CSRNP3: variants seen among roughly 807,000 people sequenced by gnomAD.
CSRNP3 encodes the protein cysteine/serine-rich nuclear protein 3.
Under a neutral mutation model 48.0 loss-of-function variants are expected in CSRNP3, and 12 were observed. The ratio of observed to expected loss-of-function variants is 0.25; its 90% CI spans 0.16 to 0.41. The LOEUF (loss-of-function observed/expected upper bound fraction) is 0.41, where lower values mean the gene tolerates loss of function less well. CSRNP3 is among the 10% of genes least tolerant of loss of function. CSRNP3 has a pLI of 1.00. For missense variants in CSRNP3, 580 were observed against 724.4 expected, an observed-to-expected ratio of 0.80 and a Z score of 2.29; for synonymous variants, 263 against 269.7, an observed-to-expected ratio of 0.98 and a Z score of 0.24.
At chr2:165,672,402 T>C (rs955851024) in intron 5 of CSRNP3, among the ~76,000 whole-genome samples, 3 of 152,158 alleles carry the variant, frequency 2.0e-5, no homozygotes, top group Non-Finnish European at 4.4e-5. Context: ...GAAAGGCACA[T>C]CTTACATGGC....
At chr2:165,596,342 T>A (rs1685811444) in intron 4 of CSRNP3, among the ~76,000 whole-genome samples, 1 of 152,186 alleles carries the variant, frequency 6.6e-6, no homozygotes, top group Admixed American at 6.5e-5. Flanking sequence ...TCATGACAGA[T>A]AACTGGTCTT....
chr2:165,522,963 ATTCT>A (rs1208251928), intron 3 of CSRNP3, among the ~76,000 whole-genome samples: 1 of 152,126 alleles, frequency 6.6e-6, no homozygotes, highest in Non-Finnish European at 1.5e-5. Context: ...TAATCCTTTC[ATTCT>A]GACTGTGGTC....
At position 165,679,263 on chromosome 2, in the gene CSRNP3, C is replaced by G; in HGVS notation, c.1268C>G (p.Ala423Gly). 8 of 1,613,876 alleles carry G rather than the reference C, an allele frequency of 5.0e-6. No homozygotes were observed. Among genetic ancestry groups the G allele is most frequent in the Non-Finnish European group, 6.8e-6 (8 of 1,179,924 alleles). Reference protein sequence around the residue: ...SDGTAVHESHAKNASFYANSS... With the variant: ...SDGTAVHESHGKNASFYANSS... ...GGCACCGCCGTTCACGAAAGCCATG[C>G]AAAGAATGCTTCTTTTTATGCCAAC... The change falls in exon 7 of 7, where the codon GCA becomes GGA. Residue 423 changes from alanine to glycine, a missense_variant. Coordinates refer to ENST00000651982, the MANE Select transcript of CSRNP3 (RefSeq NM_001172173.2).
rs2105373867 is a variant in CSRNP3, at chr2:165,688,225, G to T, written c.*8472G>T. The stretch of plus-strand genomic sequence containing the variant: ...GCTAGAAATTTACAGTACAGAAATA[G>T]TAAAAAAATAAAATAAAAATAAACC... On this transcript the variant is annotated 3_prime_UTR_variant, in exon 7 of 7. Transcript: ENST00000651982. 1 of 152,122 alleles carries T rather than the reference G, an allele frequency of 6.6e-6. No individual in the cohort carries two copies. Among genetic ancestry groups the T allele is most frequent in the African/African-American group, 2.4e-5 (1 of 41,538 alleles). The allele number at this position is 152,122 out of a possible 1,614,324, so 9.4% of individuals were successfully genotyped here. A position where few individuals can be genotyped will look rare whatever the true frequency, so the allele number is the denominator to read the frequency against.
At chr2:165,525,880 A>G (rs1250856153) in intron 3 of CSRNP3, among the ~76,000 whole-genome samples, 1 of 152,120 alleles carries the variant, frequency 6.6e-6, no homozygotes, top group East Asian at 1.9e-4. Flanking sequence ...TATGTTTTGT[A>G]TTTAGTCATA....
At chr2:165,574,828 A>T (rs1685422899) in intron 3 of CSRNP3, among the ~76,000 whole-genome samples, 1 of 152,172 alleles carries the variant, frequency 6.6e-6, no homozygotes, top group Admixed American at 6.5e-5. Context: ...TGTATCTGGT[A>T]TTAAATAATG....
chr2:165,491,694 G>A (rs1246521576), intron 1 of CSRNP3, among the ~76,000 whole-genome samples: 1 of 113,936 alleles, frequency 8.8e-6, no homozygotes, highest in Non-Finnish European at 1.8e-5. Flanking sequence ...GTAAACTATT[G>A]CAAGAACAAA....
chr2:165,503,625 T>C (rs559083067), intron 2 of CSRNP3, among the ~76,000 whole-genome samples: 5 of 152,128 alleles, frequency 3.3e-5, no homozygotes, highest in Admixed American at 2.0e-4. Context: ...TGTTATGCCA[T>C]TGGAATTACA....
At chr2:165,658,973 G>A (rs1217735001) in intron 5 of CSRNP3, among the ~76,000 whole-genome samples, 1 of 152,176 alleles carries the variant, frequency 6.6e-6, no homozygotes, top group Non-Finnish European at 1.5e-5. Context: ...GGCTTGTGTG[G>A]CTGGAGCAGA....
intron 4 of CSRNP3, among the ~76,000 whole-genome samples, chr2:165,606,496 T>A (rs1686015836): frequency 6.6e-6 from 1 of 152,066 alleles, no homozygotes. Context: ...GAAGACATCA[T>A]TTCACGTATG....
intron 3 of CSRNP3, among the ~76,000 whole-genome samples, chr2:165,582,280 G>A (rs945310374): frequency 6.6e-6 from 1 of 152,200 alleles, no homozygotes; most frequent in African/African-American, 2.4e-5. Flanking sequence ...CCCATAGTAG[G>A]TGCTCACTAA....
intron 3 of CSRNP3, among the ~76,000 whole-genome samples, chr2:165,576,482 G>A (rs1685452682): frequency 6.6e-6 from 1 of 151,958 alleles, no homozygotes; most frequent in Non-Finnish European, 1.5e-5. Flanking sequence ...AACAGTGTGG[G>A]CAAAGAAGGA....
At chr2:165,648,844 A>C (rs1024037193) in intron 4 of CSRNP3, among the ~76,000 whole-genome samples, 19 of 152,234 alleles carry the variant, frequency 1.2e-4, no homozygotes, top group African/African-American at 4.6e-4. Context: ...TTCAGAATTT[A>C]CATCAAAATC....
At chr2:165,537,775 T>C (rs1684900137) in intron 3 of CSRNP3, among the ~76,000 whole-genome samples, 1 of 151,964 alleles carries the variant, frequency 6.6e-6, no homozygotes, top group African/African-American at 2.4e-5. Context: ...CCCATTTCTA[T>C]TTTCTTCTCT....
At chr2:165,474,096 T>C (rs1683928093) in intron 1 of CSRNP3, among the ~76,000 whole-genome samples, 1 of 152,200 alleles carries the variant, frequency 6.6e-6, no homozygotes, top group South Asian at 2.1e-4. Flanking sequence ...CAAAGGGTGG[T>C]GCACACATTT....
Position 165,679,867 on chromosome 2 carries a change from T to A in CSRNP3, c.*114T>A. On this transcript the variant is annotated 3_prime_UTR_variant, in exon 7 of 7. Coordinates refer to ENST00000651982, the MANE Select transcript of CSRNP3 (RefSeq NM_001172173.2). ...AGACCAAGAAAACTTGGACGGTGGTTAATCTTCCAGACTGTATTTTGTTTT... is the reference window on the plus strand; with the variant it reads ...AGACCAAGAAAACTTGGACGGTGGTAAATCTTCCAGACTGTATTTTGTTTT... The A allele has an allele frequency of 1.4e-6, 2 of 1,409,260 alleles. No homozygotes were observed. The highest frequency in any genetic ancestry group is 1.9e-6 in the Non-Finnish European group (2 of 1,045,984). 87.3% of individuals were successfully genotyped at this position (1,409,260 alleles called of 1,614,324 possible).
intron 3 of CSRNP3, among the ~76,000 whole-genome samples, chr2:165,525,990 A>G (rs1431036738): frequency 6.6e-6 from 1 of 152,232 alleles, no homozygotes; most frequent in Admixed American, 6.5e-5. Context: ...ACTTTTTTAT[A>G]AAAGACTATT....
At chr2:165,510,559 T>C (rs1208792098) in intron 2 of CSRNP3, among the ~76,000 whole-genome samples, 4 of 152,148 alleles carry the variant, frequency 2.6e-5, no homozygotes, top group Non-Finnish European at 5.9e-5. Context: ...TCATCTTGTA[T>C]TTCCTCTTTC....
chr2:165,590,791 C>T (rs1685704132), intron 3 of CSRNP3, among the ~76,000 whole-genome samples: 1 of 152,178 alleles, frequency 6.6e-6, no homozygotes, highest in Non-Finnish European at 1.5e-5. Context: ...CTGAGGCCTA[C>T]CCAGCCATGT....
Sources: gnomAD v4.1 joint callset for allele counts (sites outside exome capture counted in the v4.1 genomes callset) on GRCh38, gnomAD v4.1.1 for gene constraint, MANE v1.5 for transcripts, NCBI Gene and HGNC (gene_info 2026-07-23, HGNC 2026-07-21) for gene names.